Variants in TMEM132C observed in about 807,000 individuals in gnomAD.
TMEM132C encodes the protein protein phosphatase 1, regulatory subunit 152.
A neutral mutation model predicts 61.4 loss-of-function variants in TMEM132C; 29 were observed. That is an observed-to-expected ratio of 0.47 (90% CI 0.35 to 0.64). The LOEUF is 0.64. Among genes scored for constraint, TMEM132C ranks in the 30% least tolerant of loss-of-function variants. The pLI is 0.00. For missense variants in TMEM132C, 1,408 were observed against 1,476.9 expected (o/e 0.95, Z 0.76); for synonymous variants, 656 against 633.1 (o/e 1.04, Z -0.54).
chr12:128,301,249 A>G (rs757057561), intron 1 of TMEM132C, among the ~76,000 whole-genome samples: 2 of 151,680 alleles, frequency 1.3e-5, no homozygotes, highest in Non-Finnish European at 2.9e-5. Flanking sequence ...AAATGCAGAG[A>G]AAAACAGAAA....
chr12:128,639,124 T>G (rs1954129903), intron 4 of TMEM132C, among the ~76,000 whole-genome samples: 1 of 150,722 alleles, frequency 6.6e-6, no homozygotes, highest in South Asian at 2.1e-4. Context: ...GTGATGATGA[T>G]GATGGTGTTA....
At chr12:128,604,406 A>AAGAT (rs199758796) in intron 3 of TMEM132C, among the ~76,000 whole-genome samples, 24,368 of 144,340 alleles carry the variant, frequency 0.17, 2,136 homozygotes, top group African/African-American at 0.2. Flanking sequence ...TAATGGATGG[A>AAGAT]AGATAGATAG....
rs147431736 is a variant in TMEM132C, at chr12:128,468,166, C to T, written c.974+52546C>T. Among the ~76,000 whole-genome samples, 358 of 152,182 alleles carry T rather than the reference C, an allele frequency of 2.4e-3. 1 individual carries two copies. Among genetic ancestry groups the T allele is most frequent in the African/African-American group, 7.9e-3 (329 of 41,516 alleles). On this transcript the variant is annotated intron_variant, in intron 2 of 8. Coordinates refer to ENST00000435159, the MANE Select transcript of TMEM132C (RefSeq NM_001136103.3). ...GAAGGCGTTAACTGTGCAGGGCTAG[C>T]GGTCCAGAGGGAACACCAACCCCGG...
chr12:128,689,786 C>T (rs1463489733), intron 5 of TMEM132C, among the ~76,000 whole-genome samples: 1 of 151,774 alleles, frequency 6.6e-6, no homozygotes, highest in Non-Finnish European at 1.5e-5. Context: ...GTACCCAGAG[C>T]AGCAGCAGCA....
rs1954841506 is a variant in TMEM132C at position 128,706,431 on chromosome 12, A to G, written c.*136A>G. On this transcript the variant is annotated 3_prime_UTR_variant, in exon 9 of 9. Transcript: ENST00000435159. ...ATGCTAGACCAGTTGGAAAGTTTTG[A>G]AGTCAGGAAAAGACGTTTTTGTATC... The G allele has an allele frequency of 8.6e-7, 1 of 1,158,224 alleles. No individual in the cohort carries two copies. The highest frequency in any genetic ancestry group is 3.3e-5 in the Admixed American group (1 of 30,494). The allele number at this position is 1,158,224 out of a possible 1,614,324, so 71.7% of individuals were successfully genotyped here. A position where few individuals can be genotyped will look rare whatever the true frequency, so the allele number is the denominator to read the frequency against.
intron 1 of TMEM132C, among the ~76,000 whole-genome samples, chr12:128,306,132 A>G (rs982437921): frequency 1.3e-5 from 2 of 151,952 alleles, no homozygotes; most frequent in Non-Finnish European, 2.9e-5. Context: ...CTTCCATTCT[A>G]GTGACTTCAG....
intron 3 of TMEM132C, among the ~76,000 whole-genome samples, chr12:128,609,260 A>AACAC (rs1420860310): frequency 4.1e-5 from 1 of 24,578 alleles, no homozygotes; most frequent in Non-Finnish European, 7.3e-5. Context: ...ACCTCCCTGC[A>AACAC]AGTTACCCCC....
chr12:128,370,194 C>G (rs1282210627), intron 1 of TMEM132C, among the ~76,000 whole-genome samples: 1 of 143,964 alleles, frequency 6.9e-6, no homozygotes. Flanking sequence ...TCTTAGGGCT[C>G]AGGTGTGCAG....
chr12:128,431,620 T>C (rs558884837), intron 2 of TMEM132C, among the ~76,000 whole-genome samples: 1 of 144,048 alleles, frequency 6.9e-6, no homozygotes, highest in South Asian at 2.3e-4. Context: ...AGTGGCACGA[T>C]CTCGGCTCAC....
intron 3 of TMEM132C, among the ~76,000 whole-genome samples, chr12:128,593,498 T>G (rs1488333197): frequency 6.6e-6 from 1 of 152,220 alleles, no homozygotes; most frequent in African/African-American, 2.4e-5. Context: ...ACACAGCCAA[T>G]CCATGGAGCT....
At chr12:128,458,526 C>T (rs921535390) in intron 2 of TMEM132C, among the ~76,000 whole-genome samples, 6 of 152,012 alleles carry the variant, frequency 3.9e-5, no homozygotes, top group Admixed American at 6.6e-5. Flanking sequence ...CCATTGTCCC[C>T]GGAACATGGT....
At chr12:128,322,081 G>A (rs1291293040) in intron 1 of TMEM132C, among the ~76,000 whole-genome samples, 3 of 152,316 alleles carry the variant, frequency 2.0e-5, no homozygotes, top group South Asian at 2.1e-4. Flanking sequence ...CCGTCCTCTC[G>A]AACCTGAGAT....
At chr12:128,557,254 A>G (rs560556956) in intron 3 of TMEM132C, among the ~76,000 whole-genome samples, 3 of 152,228 alleles carry the variant, frequency 2.0e-5, no homozygotes, top group Non-Finnish European at 1.5e-5. Flanking sequence ...AAGGTATTTC[A>G]TGGCCAGAAT....
At chr12:128,310,412 A>T (rs1281445310) in intron 1 of TMEM132C, among the ~76,000 whole-genome samples, 1 of 152,124 alleles carries the variant, frequency 6.6e-6, no homozygotes, top group African/African-American at 2.4e-5. Context: ...TGTACAGGAA[A>T]CATGGCACTG....
chr12:128,432,477 G>A (rs775584025), intron 2 of TMEM132C, among the ~76,000 whole-genome samples: 5 of 152,136 alleles, frequency 3.3e-5, no homozygotes, highest in East Asian at 3.9e-4. Flanking sequence ...TTTAGAAGAC[G>A]TTTGTCCCAG....
chr12:128,318,403 T>G (rs917607885), intron 1 of TMEM132C, among the ~76,000 whole-genome samples: 1 of 152,170 alleles, frequency 6.6e-6, no homozygotes, highest in Non-Finnish European at 1.5e-5. Flanking sequence ...TTAGAAATCA[T>G]TTTGTGTACT....
At chr12:128,619,790 C>A (rs1003269694) in intron 4 of TMEM132C, among the ~76,000 whole-genome samples, 3 of 152,184 alleles carry the variant, frequency 2.0e-5, no homozygotes, top group African/African-American at 7.2e-5. Flanking sequence ...TTTGGGACAA[C>A]TAAAATGTTG....
chr12:128,685,114 G>A (rs528315921), intron 5 of TMEM132C, among the ~76,000 whole-genome samples: 2 of 152,286 alleles, frequency 1.3e-5, no homozygotes, highest in South Asian at 2.1e-4. Context: ...TCAGGGCTCT[G>A]CCAATCCCTG....
At chr12:128,556,759 C>T (rs1382144355) in intron 3 of TMEM132C, among the ~76,000 whole-genome samples, 1 of 152,048 alleles carries the variant, frequency 6.6e-6, no homozygotes, top group East Asian at 1.9e-4. Flanking sequence ...CCCAACTATC[C>T]CATGTGGAAA....
Sources: gnomAD v4.1 joint callset for allele counts (sites outside exome capture counted in the v4.1 genomes callset) on GRCh38, gnomAD v4.1.1 for gene constraint, MANE v1.5 for transcripts, NCBI Gene and HGNC (gene_info 2026-07-23, HGNC 2026-07-21) for gene names.